Variants in ROBO2 observed in about 807,000 individuals in gnomAD.
ROBO2 encodes the protein roundabout homolog 2.
ROBO2 carries 53 observed loss-of-function variants against 160.8 expected under a neutral mutation model. The observed-to-expected ratio is 0.33, with a 90% CI of 0.26 to 0.41. The LOEUF is 0.41. Among genes scored for constraint, ROBO2 ranks in the 10% least tolerant of loss-of-function variants. The pLI is 1.00. For synonymous variants in ROBO2, 664 were observed against 611.7 expected (o/e 1.09, Z -1.26); for missense variants, 1,577 against 1,722.4 (o/e 0.92, Z 1.49).
intron 2 of ROBO2, among the ~76,000 whole-genome samples, chr3:77,189,878 T>G (rs1006640522): frequency 2.6e-5 from 4 of 151,886 alleles, no homozygotes; most frequent in African/African-American, 9.7e-5. Flanking sequence ...ATACAAAAAC[T>G]GAGGCATAAA....
intron 4 of ROBO2, among the ~76,000 whole-genome samples, chr3:77,485,438 T>C (rs1276821041): frequency 6.6e-6 from 1 of 152,054 alleles, no homozygotes; most frequent in Non-Finnish European, 1.5e-5. Context: ...GTTTTCTTTT[T>C]CTTTTTCTTT....
intron 2 of ROBO2, among the ~76,000 whole-genome samples, chr3:76,334,524 C>T (rs2073732071): frequency 6.6e-6 from 1 of 152,084 alleles, no homozygotes; most frequent in South Asian, 2.1e-4. Flanking sequence ...CAGTAGAATG[C>T]CATTTTTCTA....
intron 2 of ROBO2, among the ~76,000 whole-genome samples, chr3:76,964,586 C>A (rs2079931911): frequency 1.3e-5 from 2 of 152,140 alleles, no homozygotes; most frequent in African/African-American, 4.8e-5. Flanking sequence ...CTCAGGTGAT[C>A]CACCCTCCTC....
intron 2 of ROBO2, among the ~76,000 whole-genome samples, chr3:77,032,846 C>T (rs2063404223): frequency 6.6e-6 from 1 of 152,116 alleles, no homozygotes; most frequent in Admixed American, 6.5e-5. Context: ...CCTTAGAGGG[C>T]AAATCTAGAA....
At chr3:76,723,659 T>G (rs1387460852) in intron 2 of ROBO2, among the ~76,000 whole-genome samples, 2 of 152,228 alleles carry the variant, frequency 1.3e-5, no homozygotes, top group Non-Finnish European at 2.9e-5. Context: ...TTCTATTGTT[T>G]ACTGACTTAT....
At chr3:76,574,951 C>A (rs1451030139) in intron 2 of ROBO2, among the ~76,000 whole-genome samples, 1 of 152,072 alleles carries the variant, frequency 6.6e-6, no homozygotes. Flanking sequence ...TCTAGCCTTT[C>A]AAAATTTGCC....
At chr3:77,450,964 A>G (rs1456465436) in intron 2 of ROBO2, among the ~76,000 whole-genome samples, 1 of 152,112 alleles carries the variant, frequency 6.6e-6, no homozygotes, top group Non-Finnish European at 1.5e-5. Context: ...TACAAAGTCA[A>G]AAAGCATGTT....
chr3:77,385,189 C>T (rs1346996567), intron 2 of ROBO2, among the ~76,000 whole-genome samples: 6 of 152,124 alleles, frequency 3.9e-5, no homozygotes, highest in Non-Finnish European at 8.8e-5. Flanking sequence ...ACAACCACAC[C>T]TGGCTAATTG....
At chr3:76,996,667 C>G (rs757895751) in intron 2 of ROBO2, among the ~76,000 whole-genome samples, 2 of 152,072 alleles carry the variant, frequency 1.3e-5, no homozygotes, top group Non-Finnish European at 2.9e-5. Flanking sequence ...TAAATTCAAA[C>G]TGAACTTCTT....
intron 2 of ROBO2, among the ~76,000 whole-genome samples, chr3:77,151,943 C>T (rs2077579362): frequency 6.6e-6 from 1 of 152,096 alleles, no homozygotes; most frequent in South Asian, 2.1e-4. Flanking sequence ...AGTCCAATGC[C>T]TTTGCAAATT....
intron 20 of ROBO2, 133 bp downstream of exon 21, chr3:77,602,624 G>A: frequency 9.2e-7 from 1 of 1,088,594 alleles, no homozygotes; most frequent in Non-Finnish European, 1.4e-6. Flanking sequence ...ATACCAGCAT[G>A]TTTCCAGTAA....
At chr3:77,617,805 G>A in intron 22 of ROBO2, 32 bp downstream of exon 23, 3 of 1,608,234 alleles carry the variant, frequency 1.9e-6, no homozygotes, top group Admixed American at 1.7e-5. Flanking sequence ...AGAGACCCAT[G>A]CTTTCAACAC....
intron 2 of ROBO2, among the ~76,000 whole-genome samples, chr3:76,456,677 A>C (rs2077775561): frequency 2.0e-5 from 3 of 152,190 alleles, no homozygotes; most frequent in Non-Finnish European, 4.4e-5. Context: ...GAGTTTTTAC[A>C]TAATCTTGAC....
chr3:77,417,125 G>A (rs938793302), intron 2 of ROBO2, among the ~76,000 whole-genome samples: 2 of 151,960 alleles, frequency 1.3e-5, no homozygotes, highest in Non-Finnish European at 1.5e-5. Context: ...GCAATATTTA[G>A]GTGCAATTTC....
At chr3:76,971,791 A>T (rs1034675787) in intron 2 of ROBO2, among the ~76,000 whole-genome samples, 1 of 152,200 alleles carries the variant, frequency 6.6e-6, no homozygotes, top group African/African-American at 2.4e-5. Context: ...GGATTCAGTT[A>T]AGAACCTATT....
At chr3:76,255,534 G>T (rs1036471579) in intron 2 of ROBO2, among the ~76,000 whole-genome samples, 2 of 151,718 alleles carry the variant, frequency 1.3e-5, no homozygotes, top group Middle Eastern at 3.2e-3. Flanking sequence ...AATTTACATT[G>T]TAAACATTGA....
chr3:76,071,870 G>T (rs2068466466), intron 2 of ROBO2, among the ~76,000 whole-genome samples: 1 of 152,012 alleles, frequency 6.6e-6, no homozygotes, highest in Non-Finnish European at 1.5e-5. Context: ...TTAATGTCAA[G>T]CTAACACCTC....
intron 2 of ROBO2, among the ~76,000 whole-genome samples, chr3:75,980,599 A>G (rs558071973): frequency 6.6e-6 from 1 of 151,696 alleles, no homozygotes; most frequent in East Asian, 1.9e-4. Context: ...TAGTCAAACT[A>G]TACAAAGCTG....
At chr3:77,593,115 A>T (rs997195071) in intron 17 of ROBO2, among the ~76,000 whole-genome samples, 5 of 152,108 alleles carry the variant, frequency 3.3e-5, no homozygotes, top group Admixed American at 3.3e-4. Context: ...TTTGAGGTGT[A>T]ACCCATGAGC....
Sources: gnomAD v4.1 joint callset for allele counts (sites outside exome capture counted in the v4.1 genomes callset) on GRCh38, gnomAD v4.1.1 for gene constraint, MANE v1.5 for transcripts, NCBI Gene and HGNC (gene_info 2026-07-23, HGNC 2026-07-21) for gene names.